Variants in SLCO4A1 observed in about 807,000 individuals in gnomAD.
The protein encoded by SLCO4A1 is colon organic anion transporter.
SLCO4A1 carries 51 observed loss-of-function variants against 64.6 expected under a neutral mutation model. The observed-to-expected ratio is 0.79, with a 90% CI of 0.63 to 1.00. The LOEUF is 1.00. Among genes scored for constraint, SLCO4A1 ranks in the 50% least tolerant of loss-of-function variants. SLCO4A1 has a pLI of 0.00. For missense variants in SLCO4A1, 919 were observed against 980.5 expected (o/e 0.94, Z 0.84); for synonymous variants, 471 against 444.9 (o/e 1.06, Z -0.74).
intron 6 of SLCO4A1, 78 bp downstream of exon 6, chr20:62,665,166 A>G (rs1985871259): frequency 1.3e-6 from 2 of 1,500,002 alleles, no homozygotes; most frequent in East Asian, 4.6e-5. Context: ...CATCTTCTAG[A>G]AAGACCCAGA....
At chr20:62,648,468 C>T (rs1467780475) in intron 1 of SLCO4A1, among the ~76,000 whole-genome samples, 2 of 152,178 alleles carry the variant, frequency 1.3e-5, no homozygotes, top group Admixed American at 6.5e-5. Context: ...GGCACATGGG[C>T]AGGCTCTGCT....
chr20:62,674,586 T>C (rs1485863282), downstream of SLCO4A1, among the ~76,000 whole-genome samples: 1 of 152,174 alleles, frequency 6.6e-6, no homozygotes, highest in African/African-American at 2.4e-5. Context: ...CAGATGACGA[T>C]TCCAAGGGTC....
chr20:62,672,761 A>G (rs1055288361), downstream of SLCO4A1, among the ~76,000 whole-genome samples: 1 of 152,084 alleles, frequency 6.6e-6, no homozygotes, highest in South Asian at 2.1e-4. Flanking sequence ...GCGGGGTCAT[A>G]AGGGTGGGTG....
At chr20:62,668,802 C>A in intron 10 of SLCO4A1, 128 bp from the exon 11 acceptor site, 4 of 984,046 alleles carry the variant, frequency 4.1e-6, no homozygotes, top group Admixed American at 2.6e-5. Context: ...CCTCTTTGCA[C>A]CCCCTGAGAA....
chr20:62,653,625 T>C (rs1168175338), intron 1 of SLCO4A1, among the ~76,000 whole-genome samples: 1 of 152,154 alleles, frequency 6.6e-6, no homozygotes, highest in Non-Finnish European at 1.5e-5. Context: ...TTAGAGTTAG[T>C]GTGTCTGTTA....
At position 62,681,281 on chromosome 20, in the gene SLCO4A1, C is replaced by T. The variant is rs138316958; in HGVS notation, n.212-4160C>T. Among the ~76,000 whole-genome samples, 343 of 152,360 alleles carry T rather than the reference C, an allele frequency of 2.3e-3. 1 individual carries two copies. The highest frequency in any genetic ancestry group is 7.5e-3 in the African/African-American group (313 of 41,578). On this transcript the variant is annotated intron_variant and non_coding_transcript_variant, in intron 2 of 2. Transcript: ENST00000466818. ...CCTTGCACACTTTGCCCAGTCTCCCCCAATGGTAACATTCTACAAAACTGT... is the reference window on the plus strand; with the variant it reads ...CCTTGCACACTTTGCCCAGTCTCCCTCAATGGTAACATTCTACAAAACTGT...
At chr20:62,674,496 A>G (rs1031544262), downstream of SLCO4A1, among the ~76,000 whole-genome samples, 6 of 152,168 alleles carry the variant, frequency 3.9e-5, no homozygotes, top group Non-Finnish European at 8.8e-5. Flanking sequence ...AAGGGATGAG[A>G]GGGAGGCGGC....
Position 62,661,389 on chromosome 20 carries a change from C to T in SLCO4A1, c.1121+214C>T, listed in dbSNP as rs1339123696. Among the ~76,000 whole-genome samples, 1 of 152,126 alleles carries T rather than the reference C, an allele frequency of 6.6e-6. No homozygotes were observed. The highest frequency in any genetic ancestry group is 1.9e-4 in the East Asian group (1 of 5,174). ...CAGGGCTGCAGAGCCGTGGGAGAGT[C>T]CCAGAGTGGGGCCGGGGCCTCGGCC... On this transcript the variant is annotated intron_variant, in intron 5 of 11. Coordinates refer to ENST00000217159, the MANE Select transcript of SLCO4A1 (RefSeq NM_016354.4). The surrounding 1 kb of genome is among the most constrained non-coding windows in gnomAD (Gnocchi z 5.2).
chr20:62,671,653 G>A (rs911337491), intron 11 of SLCO4A1, 97 bp from the exon 12 acceptor site: 34 of 1,173,360 alleles, frequency 2.9e-5, no homozygotes, highest in Non-Finnish European at 3.8e-5. Flanking sequence ...TGAGGGTGCT[G>A]CAGGCTGGGG....
intron 7 of SLCO4A1, 80 bp downstream of exon 7, chr20:62,666,655 G>A: frequency 8.0e-7 from 1 of 1,242,278 alleles, no homozygotes; most frequent in African/African-American, 1.5e-5. Context: ...GAGTGGTGCA[G>A]CACTTGGGAG....
At chr20:62,659,642 A>AGC (rs1984398278) in intron 3 of SLCO4A1, among the ~76,000 whole-genome samples, 1 of 152,166 alleles carries the variant, frequency 6.6e-6, no homozygotes, top group Admixed American at 6.5e-5. Flanking sequence ...GGGGAGGCAG[A>AGC]GCGGGGTCTG....
chr20:62,642,931 G>A (rs964278925), intron 1 of SLCO4A1: 13 of 456,040 alleles, frequency 2.9e-5, no homozygotes, highest in South Asian at 1.6e-5. Flanking sequence ...AGGTGGCCCG[G>A]AGCGCGCGCA....
At chr20:62,642,855 A>G (rs1980622161) in intron 1 of SLCO4A1, among the ~76,000 whole-genome samples, 1 of 152,118 alleles carries the variant, frequency 6.6e-6, no homozygotes, top group Non-Finnish European at 1.5e-5. Context: ...GCCGGGGGGA[A>G]GCGGGTGAGC....
At position 62,666,429 on chromosome 20, in the gene SLCO4A1, C is replaced by T; in HGVS notation, c.1326C>T (p.Phe442=). 6.2e-7 allele frequency: 1 copy of T among 1,613,332 alleles called. No homozygotes were observed. Among genetic ancestry groups the T allele is most frequent in the Non-Finnish European group, 8.5e-7 (1 of 1,179,944 alleles). ...AGGGGTFLGG[F]FVNKLRLRGS... ...GTGGCGGCACCTTCCTGGGCGGCTTCTTTGTGAACAAGCTCAGGCTCCGGG... is the reference window on the plus strand; with the variant it reads ...GTGGCGGCACCTTCCTGGGCGGCTTTTTTGTGAACAAGCTCAGGCTCCGGG... Residue 442 remains phenylalanine, a synonymous_variant, in exon 7 of 12, where the codon TTC becomes TTT. Coordinates refer to ENST00000217159, the MANE Select transcript of SLCO4A1 (RefSeq NM_016354.4).
chr20:62,652,917 A>G (rs1372347721), intron 1 of SLCO4A1, among the ~76,000 whole-genome samples: 1 of 152,218 alleles, frequency 6.6e-6, no homozygotes. Context: ...AGGTGTCAGA[A>G]GGCAGCTGTG....
At chr20:62,642,961 C>T (rs1194691239) in intron 1 of SLCO4A1, 2 of 468,410 alleles carry the variant, frequency 4.3e-6, no homozygotes, top group East Asian at 7.1e-5. Context: ...CCCACAGATC[C>T]AGCTGGGGAC....
intron 9 of SLCO4A1, 90 bp downstream of exon 9, chr20:62,668,274 A>G (rs1350943488): frequency 2.7e-6 from 4 of 1,468,474 alleles, no homozygotes; most frequent in African/African-American, 2.8e-5. Flanking sequence ...GGAGCACTCC[A>G]GGAAACACCC....
At chr20:62,675,707 C>A (rs904926094), downstream of SLCO4A1, among the ~76,000 whole-genome samples, 4 of 152,228 alleles carry the variant, frequency 2.6e-5, no homozygotes, top group Admixed American at 6.5e-5. Flanking sequence ...CACAGGCCCC[C>A]CGCTTCTCCG....
chr20:62,689,858 G>A (rs1280653765), downstream of SLCO4A1, among the ~76,000 whole-genome samples: 5 of 152,240 alleles, frequency 3.3e-5, no homozygotes, highest in Non-Finnish European at 5.9e-5. Context: ...TGGGGCCGAG[G>A]AAGGGGGTGG....
Sources: allele counts gnomAD v4.1 joint callset (sites outside exome capture counted in the v4.1 genomes callset), GRCh38; gene constraint gnomAD v4.1.1; non-coding constraint Gnocchi (gnomAD v3.1); transcripts MANE v1.5; gene names NCBI Gene and HGNC (gene_info 2026-07-23, HGNC 2026-07-21).